LRRC49: variants seen among roughly 807,000 people sequenced by gnomAD.
LRRC49 encodes leucine-rich repeat-containing protein 49.
A neutral mutation model predicts 83.3 loss-of-function variants in LRRC49; 50 were observed. The observed-to-expected ratio is 0.60, with a 90% CI of 0.48 to 0.76. The LOEUF is 0.76. Among genes scored for constraint, LRRC49 ranks in the 30% least tolerant of loss-of-function variants. The pLI is 0.00. For missense variants in LRRC49, 704 were observed against 809.1 expected (o/e 0.87, Z 1.58); for synonymous variants, 286 against 283.3 (o/e 1.01, Z -0.10).
chr15:70,911,124 GA>G (rs2141121779), intron 5 of LRRC49, among the ~76,000 whole-genome samples: 1 of 152,318 alleles, frequency 6.6e-6, no homozygotes, highest in Admixed American at 6.5e-5. Context: ...GACACAGCAA[GA>G]ATGCCTCTGT....
intron 4 of LRRC49, chr15:70,902,387 A>G (rs2034120291): frequency 6.6e-6 from 1 of 152,194 alleles, no homozygotes; most frequent in African/African-American, 2.4e-5. Flanking sequence ...TGGAGAAGCA[A>G]ACTTTGATCA....
chr15:71,046,122 A>G (rs1360790023), intron 15 of LRRC49, among the ~76,000 whole-genome samples: 2 of 152,120 alleles, frequency 1.3e-5, no homozygotes, highest in Admixed American at 6.6e-5. Context: ...GGTTGGTTCT[A>G]TGTCTTTGCT....
rs1047990569 is a variant in LRRC49, at chr15:70,977,098, G to GA, written c.922-2997dup. On this transcript the variant is annotated intron_variant, in intron 9 of 15. Coordinates refer to ENST00000260382, the MANE Select transcript of LRRC49 (RefSeq NM_017691.5). ...CAGTACTGTTTGAAATTGGCTCTTT[G>GA]AAAAAACAATCTGTTTCTAGTTCAC... Among the ~76,000 whole-genome samples the GA allele has an allele frequency of 2.4e-4, 37 of 152,094 alleles. 2 individuals carry two copies. The highest frequency in any genetic ancestry group is 6.5e-4 in the African/African-American group (27 of 41,502).
intron 14 of LRRC49, among the ~76,000 whole-genome samples, chr15:71,023,050 C>T (rs973862845): frequency 1.3e-5 from 2 of 152,058 alleles, no homozygotes; most frequent in African/African-American, 4.8e-5. Context: ...TTCTAAATAA[C>T]CCACAGGTTA....
At chr15:70,916,304 A>G (rs2034769925) in intron 6 of LRRC49, among the ~76,000 whole-genome samples, 1 of 151,800 alleles carries the variant, frequency 6.6e-6, no homozygotes, top group Non-Finnish European at 1.5e-5. Flanking sequence ...TATTATTATT[A>G]TTATTTTTGA....
At chr15:71,000,343 A>T (rs1315953737) in intron 11 of LRRC49, among the ~76,000 whole-genome samples, 5 of 152,120 alleles carry the variant, frequency 3.3e-5, no homozygotes, top group Admixed American at 2.6e-4. Flanking sequence ...TATGAGTTAT[A>T]CTTTTAAATT....
In LRRC49 at chr15:70,954,578, T is replaced by A. The variant is rs144985497; in HGVS notation, c.774-9207T>A. Among the ~76,000 whole-genome samples, 181 of 152,308 alleles carry A rather than the reference T, an allele frequency of 1.2e-3. 2 individuals carry two copies. In the East Asian group the frequency reaches 0.033, roughly 28 times the overall value. On this transcript the variant is annotated intron_variant, in intron 8 of 15. Coordinates refer to ENST00000260382, the MANE Select transcript of LRRC49 (RefSeq NM_017691.5). The stretch of plus-strand genomic sequence containing the variant: ...GCTGATGATTCTTTATTATTTGAAG[T>A]TATTGTCCTTTGGGTGAGGCTTTTT...
At chr15:70,860,008 C>T in intron 1 of LRRC49, 1 of 751,004 alleles carries the variant, frequency 1.3e-6, no homozygotes, top group Non-Finnish European at 2.4e-6. Context: ...ACCTCACAAG[C>T]CCCGGCCTCA....
At chr15:71,048,890 A>G (rs1208375100) in intron 15 of LRRC49, 2 of 454,624 alleles carry the variant, frequency 4.4e-6, no homozygotes, top group South Asian at 3.1e-5. Flanking sequence ...CTTCCCCCCA[A>G]CTTTCTCCAA....
At chr15:70,957,393 A>G (rs144227018) in intron 8 of LRRC49, among the ~76,000 whole-genome samples, 6 of 152,328 alleles carry the variant, frequency 3.9e-5, no homozygotes, top group African/African-American at 1.4e-4. Context: ...CTGCCTAATT[A>G]GTAATATATA....
chr15:70,991,495 G>C (rs2037877723), intron 11 of LRRC49, among the ~76,000 whole-genome samples: 1 of 152,090 alleles, frequency 6.6e-6, no homozygotes, highest in African/African-American at 2.4e-5. Flanking sequence ...TACTTAAATA[G>C]TATTTAATAC....
intron 1 of LRRC49, among the ~76,000 whole-genome samples, chr15:70,862,701 C>G (rs181255782): frequency 6.6e-6 from 1 of 152,070 alleles, no homozygotes; most frequent in African/African-American, 2.4e-5. Context: ...TTCCAACATG[C>G]AGCAAAATTC....
At chr15:70,917,679 T>C (rs1413826505) in intron 6 of LRRC49, among the ~76,000 whole-genome samples, 6 of 152,194 alleles carry the variant, frequency 3.9e-5, no homozygotes, top group Non-Finnish European at 5.9e-5. Context: ...TGCTAGGAGC[T>C]GAACACTCAT....
intron 7 of LRRC49, among the ~76,000 whole-genome samples, chr15:70,924,766 G>A (rs1366339135): frequency 6.6e-6 from 1 of 151,904 alleles, no homozygotes; most frequent in Non-Finnish European, 1.5e-5. Flanking sequence ...TAACTCTGAA[G>A]TCTCTCAGTT....
At chr15:70,866,426 T>A (rs28433396) in intron 1 of LRRC49, among the ~76,000 whole-genome samples, 31,564 of 152,096 alleles carry the variant, frequency 0.21, 3,456 homozygotes, top group Middle Eastern at 0.35. Flanking sequence ...ATTACAGGCG[T>A]GAGCGACCAC....
chr15:71,001,694 A>AT (rs957956419), intron 11 of LRRC49, among the ~76,000 whole-genome samples: 124 of 145,552 alleles, frequency 8.5e-4, no homozygotes, highest in East Asian at 1.4e-3. Context: ...TCTATCTGCT[A>AT]TTTTTTTTTT....
chr15:71,000,694 G>A (rs1319835001), intron 11 of LRRC49, among the ~76,000 whole-genome samples: 4 of 152,072 alleles, frequency 2.6e-5, no homozygotes, highest in African/African-American at 4.8e-5. Context: ...ATTGAACAAA[G>A]AAATTTACTG....
At chr15:70,866,106 C>T (rs1295779364) in intron 1 of LRRC49, among the ~76,000 whole-genome samples, 2 of 150,170 alleles carry the variant, frequency 1.3e-5, no homozygotes, top group Non-Finnish European at 3.0e-5. Context: ...AGTTCTGGTA[C>T]ATGTAAAGTA....
chr15:70,911,538 GA>G lies in LRRC49; in HGVS notation c.511del (p.Ile171SerfsTer7), dbSNP rs764321001. ...VLLLGKNRIK[K>X]ISNLENLKSL... is the part of the protein sequence containing the mutation. ...TACTTATTCTGGTTTTCAGAATCAA[GA>G]AAATCTCAAATCTGGAGAATCTAAA... On this transcript the variant is annotated frameshift_variant, in exon 6 of 16. Transcript: ENST00000260382. LOFTEE classifies it high-confidence loss of function. 4 of 1,573,488 alleles carry G rather than the reference GA, an allele frequency of 2.5e-6. No individual in the cohort carries two copies. Among genetic ancestry groups the G allele is most frequent in the African/African-American group, 2.7e-5 (2 of 73,470 alleles).
Sources: gnomAD v4.1 joint callset for allele counts (sites outside exome capture counted in the v4.1 genomes callset) on GRCh38, gnomAD v4.1.1 for gene constraint, MANE v1.5 for transcripts, NCBI Gene and HGNC (gene_info 2026-07-23, HGNC 2026-07-21) for gene names.